UGT1A9: variants seen among roughly 807,000 people sequenced by gnomAD.
UGT1A9 encodes UDP glucuronosyltransferase family 1 member A9, also known as UDP-glucuronosyltransferase 1A9.
Under a neutral mutation model 45.0 loss-of-function variants are expected in UGT1A9, and 35 were observed. The ratio of observed to expected loss-of-function variants is 0.78; its 90% CI spans 0.59 to 1.03. The LOEUF is 1.03. UGT1A9 is among the 50% of genes least tolerant of loss of function. UGT1A9 has a pLI of 0.00. For missense variants in UGT1A9, 687 were observed against 666.6 expected (o/e 1.03, Z -0.34); for synonymous variants, 278 against 250.6 (o/e 1.11, Z -1.03).
At chr2:233,756,874 G>C (rs1221596581) in intron 1 of UGT1A9, among the ~76,000 whole-genome samples, 1 of 152,098 alleles carries the variant, frequency 6.6e-6, no homozygotes, top group Non-Finnish European at 1.5e-5. Context: ...GGTATTAGGT[G>C]TAATGAGGAT....
intron 1 of UGT1A9, among the ~76,000 whole-genome samples, chr2:233,716,508 C>T (rs1254652307): frequency 6.6e-6 from 1 of 152,162 alleles, no homozygotes; most frequent in African/African-American, 2.4e-5. Context: ...GGCTTCAGAG[C>T]TCTCAGCTTA....
At chr2:233,684,734 A>G (rs2074696944) in intron 1 of UGT1A9, among the ~76,000 whole-genome samples, 1 of 152,040 alleles carries the variant, frequency 6.6e-6, no homozygotes, top group African/African-American at 2.4e-5. Flanking sequence ...AATAGAAAAT[A>G]AATATAATTA....
chr2:233,700,901 T>A (rs940046248), intron 1 of UGT1A9, among the ~76,000 whole-genome samples: 32 of 151,466 alleles, frequency 2.1e-4, no homozygotes, highest in Admixed American at 2.1e-3. Context: ...GTCCCCGGTG[T>A]GTGACGTTCC....
intron 1 of UGT1A9, among the ~76,000 whole-genome samples, chr2:233,766,008 T>C (rs901073626): frequency 2.6e-5 from 4 of 152,174 alleles, no homozygotes; most frequent in Non-Finnish European, 5.9e-5. Context: ...GCGTGGGTTA[T>C]GGCCTTCTTT....
intron 1 of UGT1A9, among the ~76,000 whole-genome samples, chr2:233,721,044 CT>C (rs1475591591): frequency 6.6e-6 from 1 of 151,954 alleles, no homozygotes; most frequent in Non-Finnish European, 1.5e-5. Context: ...GAATTGAGCC[CT>C]TTTTTGTCAT....
chr2:233,745,639 G>T (rs182919627), intron 1 of UGT1A9, among the ~76,000 whole-genome samples: 1 of 151,500 alleles, frequency 6.6e-6, no homozygotes, highest in South Asian at 2.1e-4. Context: ...AAAGCTGGCC[G>T]AGGGTAGAGT....
intron 1 of UGT1A9, chr2:233,692,968 A>G: frequency 6.2e-7 from 1 of 1,609,996 alleles, no homozygotes; most frequent in Non-Finnish European, 8.5e-7. Flanking sequence ...GAGAGTGAAA[A>G]CTCTTTATTA....
chr2:233,682,979 T>C (rs1485999799), intron 1 of UGT1A9, among the ~76,000 whole-genome samples: 1 of 152,218 alleles, frequency 6.6e-6, no homozygotes, highest in African/African-American at 2.4e-5. Flanking sequence ...CTTGTTGATA[T>C]GTAAGTGTAT....
At chr2:233,682,283 A>G in intron 1 of UGT1A9, 1 of 1,614,164 alleles carries the variant, frequency 6.2e-7, no homozygotes, top group Non-Finnish European at 8.5e-7. Flanking sequence ...ATCCAATGGT[A>G]TTTTTGACTT....
chr2:233,772,292 C>A lies in UGT1A9; in HGVS notation c.1326C>A (p.Ser442Arg), dbSNP rs778015980. 2 of 1,614,246 alleles carry A rather than the reference C, an allele frequency of 1.2e-6. No homozygotes were observed. Among genetic ancestry groups the A allele is most frequent in the Admixed American group, 3.3e-5 (2 of 60,030 alleles). Residue 442 changes from serine (S) to arginine (R), a missense_variant, in exon 5 of 5, where the codon AGC becomes AGA. By Grantham distance (110) the Ser-to-Arg change is moderately radical (BLOSUM62 -1). Coordinates refer to ENST00000354728, the MANE Select transcript of UGT1A9 (RefSeq NM_021027.3). ...SYKENIMRLSSLHKDRPVEPL... is the reference protein window; with the variant it reads ...SYKENIMRLSRLHKDRPVEPL... ...AGGAGAACATCATGCGCCTCTCCAG[C>A]CTTCACAAGGACCGCCCGGTGGAGC... is the stretch of plus-strand genomic sequence containing the variant.
chr2:233,719,036 G>T lies in UGT1A9; in HGVS notation c.855+46247G>T, dbSNP rs148862762. Reference sequence around the variant, plus strand: ...AGGTGAATATGCACATCAAAGAAGAGAAATTTTTCACCCTGACAGCCTATG... The same window carrying T: ...AGGTGAATATGCACATCAAAGAAGATAAATTTTTCACCCTGACAGCCTATG... On this transcript the variant is annotated intron_variant, in intron 1 of 4. Transcript: ENST00000354728. 1.2e-4 allele frequency: 194 copies of T among 1,614,156 alleles called. 1 individual carries two copies. The highest frequency in any genetic ancestry group is 3.6e-5 in the Non-Finnish European group (43 of 1,180,050).
intron 1 of UGT1A9, among the ~76,000 whole-genome samples, chr2:233,695,189 G>A (rs2075271649): frequency 2.0e-5 from 3 of 148,082 alleles, no homozygotes; most frequent in South Asian, 4.3e-4. Context: ...GCAGTGGTGC[G>A]ATCTCAGCCC....
intron 4 of UGT1A9, 101 bp from the exon 5 acceptor site, chr2:233,772,161 T>C: frequency 6.4e-7 from 1 of 1,566,196 alleles, no homozygotes; most frequent in Non-Finnish European, 8.7e-7. Context: ...CTTTCCCAAG[T>C]TTGGAAAATC....
chr2:233,747,371 C>G (rs757857857), intron 1 of UGT1A9: 19 of 1,604,150 alleles, frequency 1.2e-5, no homozygotes, highest in Non-Finnish European at 1.5e-5. Flanking sequence ...AGCTCCATGC[C>G]AGAGGCCACC....
intron 1 of UGT1A9, chr2:233,714,002 A>G: frequency 3.9e-6 from 6 of 1,547,452 alleles, no homozygotes; most frequent in Non-Finnish European, 5.2e-6. Context: ...CTTCAGTGAG[A>G]TAAACTTTTA....
intron 1 of UGT1A9, chr2:233,713,154 G>T (rs2076285126): frequency 6.2e-7 from 1 of 1,614,116 alleles, no homozygotes; most frequent in Non-Finnish European, 8.5e-7. Context: ...CCATGCGAGA[G>T]GCCACCAGGT....
At chr2:233,742,932 T>A in intron 1 of UGT1A9, 1 of 195,120 alleles carries the variant, frequency 5.1e-6, no homozygotes. Flanking sequence ...CTGAACATTC[T>A]GTCCTACCAC....
intron 1 of UGT1A9, among the ~76,000 whole-genome samples, chr2:233,687,304 G>A (rs6736743): frequency 0.39 from 59,722 of 151,878 alleles, 11,933 homozygotes; most frequent in South Asian, 0.45. Context: ...AGATATCAAT[G>A]TTGTCTTCTT....
intron 1 of UGT1A9, among the ~76,000 whole-genome samples, chr2:233,759,869 A>G (rs1186818099): frequency 6.6e-6 from 1 of 152,190 alleles, no homozygotes; most frequent in African/African-American, 2.4e-5. Flanking sequence ...AAGCGGGGGT[A>G]CAGTTGTGTT....
Sources: allele counts gnomAD v4.1 joint callset (sites outside exome capture counted in the v4.1 genomes callset), GRCh38; gene constraint gnomAD v4.1.1; transcripts MANE v1.5; gene names NCBI Gene and HGNC (gene_info 2026-07-23, HGNC 2026-07-21).